The following CASK variants were observed in gnomAD, a reference collection of about 807,000 sequenced individuals.
The protein encoded by CASK is peripheral plasma membrane protein CASK.
CASK carries 4 observed loss-of-function variants against 82.9 expected under a neutral mutation model. That is an observed-to-expected ratio of 0.05 (90% CI 0.02 to 0.11). The LOEUF is 0.11. CASK is among the 10% of genes least tolerant of loss of function. The probability of loss-of-function intolerance (pLI) is 1.00; values close to 1 mark genes in which losing one functional copy is unlikely to be tolerated. For missense variants in CASK, 358 were observed against 720.9 expected (o/e 0.50, Z 5.76); for synonymous variants, 259 against 253.5 (o/e 1.02, Z -0.20).
intron 21 of CASK, chrX:41,552,581 G>A (rs961545098): frequency 9.0e-6 from 1 of 111,472 alleles, no homozygotes; most frequent in Non-Finnish European, 1.9e-5. Flanking sequence ...GCATCATCAC[G>A]GCAACGACTT....
chrX:41,697,080 T>C (rs1014049307), intron 5 of CASK: 2 of 194,808 alleles, frequency 1.0e-5, no homozygotes, highest in South Asian at 2.9e-4. Context: ...GTGACTAAAG[T>C]AGTTATTAAA....
intron 5 of CASK, among the ~76,000 whole-genome samples, chrX:41,730,923 TC>T (rs1477799385): frequency 9.0e-6 from 1 of 111,454 alleles, no homozygotes; most frequent in African/African-American, 3.3e-5. Context: ...CAGGTTGGTC[TC>T]GAATTCCTGA....
intron 1 of CASK, among the ~76,000 whole-genome samples, chrX:41,911,683 T>A (rs2072569847): frequency 8.9e-6 from 1 of 112,011 alleles, no homozygotes; most frequent in African/African-American, 3.2e-5. Flanking sequence ...AAATTTCACA[T>A]TATGAACAAT....
At chrX:41,745,651 G>A (rs758220300) in intron 3 of CASK, 50 bp from the exon 4 acceptor site, 6 of 847,131 alleles carry the variant, frequency 7.1e-6, no homozygotes, top group Admixed American at 2.3e-5. Context: ...ATTCCAGGAA[G>A]ACAACACTGA....
chrX:41,619,110 G>A (rs2066249215), intron 11 of CASK, among the ~76,000 whole-genome samples: 1 of 110,928 alleles, frequency 9.0e-6, no homozygotes, highest in African/African-American at 3.3e-5. Context: ...GATTACAGGC[G>A]TGATGCCTAA....
chrX:41,729,781 A>AATAT (rs55635208), intron 5 of CASK: 2,069 of 38,526 alleles, frequency 0.054, 81 homozygotes, highest in Non-Finnish European at 0.065. Context: ...AAAAAAAAAA[A>AATAT]ATATATATAT....
chrX:41,535,837 A>C (rs940480878), intron 22 of CASK, among the ~76,000 whole-genome samples: 1 of 112,124 alleles, frequency 8.9e-6, no homozygotes, highest in Non-Finnish European at 1.9e-5. Context: ...AGCAATTTCA[A>C]GCAATGTACA....
chrX:41,646,647 C>G (rs1265060009), intron 8 of CASK, among the ~76,000 whole-genome samples: 2 of 111,836 alleles, frequency 1.8e-5, no homozygotes, highest in African/African-American at 6.5e-5. Context: ...CCATCCCACT[C>G]TCTCAGTATC....
chrX:41,758,213 T>C (rs1233823520), intron 3 of CASK, among the ~76,000 whole-genome samples: 2 of 110,772 alleles, frequency 1.8e-5, no homozygotes, highest in Admixed American at 1.9e-4. Context: ...GGCGGGCGGA[T>C]AGCCTGAGGT....
intron 3 of CASK, among the ~76,000 whole-genome samples, chrX:41,783,123 G>A (rs1268889824): frequency 1.8e-5 from 2 of 110,069 alleles, no homozygotes; most frequent in Non-Finnish European, 3.8e-5. Flanking sequence ...CAGCCTGGGC[G>A]ACAGAGTGAG....
At position 41,757,760 on chromosome X, in the gene CASK, G is replaced by A. The variant is rs766893971; in HGVS notation, c.279-12159C>T. On this transcript the variant is annotated intron_variant, in intron 3 of 26. Transcript: ENST00000378163. ...AGTGATCCTCCCACCTCAACCTCCC[G>A]AAGTGTTGGGATTACAGGCGTGAGC... 1.3e-4 allele frequency among the ~76,000 whole-genome samples: 15 copies of A among 111,802 alleles called. No individual in the cohort carries two copies. The South Asian group carries it at 3.4e-3, about 25-fold the overall frequency.
At chrX:41,587,995 G>A (rs1453734241) in intron 13 of CASK, 1 of 111,820 alleles carries the variant, frequency 8.9e-6, no homozygotes, top group Non-Finnish European at 1.9e-5. Context: ...CCATACAAAA[G>A]CTTCCTACTG....
chrX:41,616,393 T>C (rs1255746857), intron 11 of CASK, among the ~76,000 whole-genome samples: 1 of 111,185 alleles, frequency 9.0e-6, no homozygotes, highest in Non-Finnish European at 1.9e-5. Flanking sequence ...AGAAGGTTCA[T>C]GGAAGGGCAT....
intron 6 of CASK, 105 bp from the exon 7 acceptor site, chrX:41,665,557 A>G (rs2067103677): frequency 3.4e-6 from 2 of 581,168 alleles, no homozygotes; most frequent in East Asian, 3.6e-5. Context: ...AAGTTTACCA[A>G]TACATATACT....
intron 12 of CASK, among the ~76,000 whole-genome samples, chrX:41,597,566 TAAG>T (rs1235057049): frequency 8.9e-6 from 1 of 112,618 alleles, no homozygotes; most frequent in Non-Finnish European, 1.9e-5. Flanking sequence ...ACTATCTTAT[TAAG>T]AACTTTCTTC....
chrX:41,815,390 G>T (rs2070392025), intron 2 of CASK, among the ~76,000 whole-genome samples: 1 of 111,589 alleles, frequency 9.0e-6, no homozygotes. Context: ...ACCTATAAAT[G>T]ATAGCTATGT....
At chrX:41,913,991 T>C (rs1361406682) in intron 1 of CASK, among the ~76,000 whole-genome samples, 4 of 111,781 alleles carry the variant, frequency 3.6e-5, no homozygotes, top group African/African-American at 1.3e-4. Flanking sequence ...TTAGAATCTA[T>C]GAAATAGCAG....
intron 5 of CASK, among the ~76,000 whole-genome samples, chrX:41,722,713 G>C (rs1254730783): frequency 8.9e-6 from 1 of 112,230 alleles, no homozygotes; most frequent in Non-Finnish European, 1.9e-5. Context: ...TGATTCGTAA[G>C]TTTTTGGCTT....
intron 1 of CASK, among the ~76,000 whole-genome samples, chrX:41,912,992 C>T (rs927437865): frequency 4.6e-5 from 5 of 108,952 alleles, no homozygotes; most frequent in African/African-American, 1.7e-4. Context: ...AAGGAGAAGA[C>T]CGACAAATCA....
Sources: allele counts gnomAD v4.1 joint callset (sites outside exome capture counted in the v4.1 genomes callset), GRCh38; gene constraint gnomAD v4.1.1; transcripts MANE v1.5; gene names NCBI Gene and HGNC (gene_info 2026-07-23, HGNC 2026-07-21).